The following TBC1D31 variants were observed in gnomAD, a reference collection of about 807,000 sequenced individuals.
The protein encoded by TBC1D31 is TBC1 domain family member 31, also known as WD repeat domain 67.
In TBC1D31, 99 loss-of-function variants were observed where a neutral mutation model predicts 132.9. That is an observed-to-expected ratio of 0.74 (90% CI 0.63 to 0.88). The LOEUF is 0.88. Ranked by LOEUF, TBC1D31 falls within the 40% of genes least tolerant of loss-of-function variation. TBC1D31 has a pLI of 0.00. For synonymous variants in TBC1D31, 385 were observed against 419.4 expected (o/e 0.92, Z 1.00); for missense variants, 1,134 against 1,256.6 (o/e 0.90, Z 1.48).
chr8:123,151,885 A>G lies in TBC1D31; in HGVS notation c.3147A>G (p.Arg1049=), dbSNP rs116864883. The G allele has an allele frequency of 1.0e-4, 165 of 1,592,172 alleles. No homozygotes were observed. Among genetic ancestry groups the G allele is most frequent in the Non-Finnish European group, 1.1e-4 (127 of 1,172,238 alleles). Residue 1049 remains arginine, a synonymous_variant, in exon 22 of 22, where the codon AGA becomes AGG. Coordinates refer to ENST00000287380, the MANE Select transcript of TBC1D31 (RefSeq NM_145647.4). Reference sequence around the variant, plus strand: ...AGAAAGTGAGAAATCTTCGCCAGAGACTCACTGCCCGGGCTCGTCACAGAT... The same window carrying G: ...AGAAAGTGAGAAATCTTCGCCAGAGGCTCACTGCCCGGGCTCGTCACAGAT... ...LIKKVRNLRQ[R]LTARARHRCQ... is the part of the protein sequence containing the mutation.
At chr8:123,113,675 T>C (rs1380124569) in intron 10 of TBC1D31, among the ~76,000 whole-genome samples, 4 of 152,230 alleles carry the variant, frequency 2.6e-5, no homozygotes, top group African/African-American at 9.6e-5. Flanking sequence ...ACAATTAAAG[T>C]TACCATTGTA....
intron 20 of TBC1D31, among the ~76,000 whole-genome samples, chr8:123,146,085 G>T (rs920785239): frequency 1.3e-5 from 2 of 152,024 alleles, no homozygotes. Flanking sequence ...GGCCATGCTG[G>T]TCTCGAACTC....
the TBC1D31 span, among the ~76,000 whole-genome samples, chr8:123,162,823 G>A: frequency 6.6e-6 from 1 of 151,778 alleles, no homozygotes; most frequent in Admixed American, 6.6e-5. Flanking sequence ...CAGCAAGCAT[G>A]TGTTTTCCTT....
intron 17 of TBC1D31, among the ~76,000 whole-genome samples, chr8:123,135,988 T>C (rs1049849826): frequency 6.6e-6 from 1 of 152,228 alleles, no homozygotes; most frequent in African/African-American, 2.4e-5. Context: ...TTTCTCTTCC[T>C]CTTTTTCTTT....
chr8:123,120,140 T>A lies in TBC1D31; in HGVS notation c.1522T>A (p.Phe508Ile), dbSNP rs1433823606. ...PLLAFPFVKL[F>I]QNNQLICFEV... Reference sequence around the variant, plus strand: ...CTTGGCATTTCCATTTGTAAAATTATTCCAGAACAACCAACTCATCTGTTT... The same window carrying A: ...CTTGGCATTTCCATTTGTAAAATTAATCCAGAACAACCAACTCATCTGTTT... Residue 508 changes from phenylalanine to isoleucine, a missense_variant, in exon 11 of 22, where the codon TTC becomes ATC. Transcript: ENST00000287380. The A allele has an allele frequency of 9.3e-6, 15 of 1,610,834 alleles. No individual in the cohort carries two copies. Among genetic ancestry groups the A allele is most frequent in the African/African-American group, 1.3e-5 (1 of 74,886 alleles).
chr8:123,117,936 A>T (rs1335183409), intron 10 of TBC1D31, among the ~76,000 whole-genome samples: 2 of 152,186 alleles, frequency 1.3e-5, no homozygotes, highest in African/African-American at 2.4e-5. Flanking sequence ...TCAAAAATTA[A>T]ATAAATAAAA....
the TBC1D31 span, among the ~76,000 whole-genome samples, chr8:123,159,180 T>C: frequency 6.6e-6 from 1 of 151,422 alleles, no homozygotes; most frequent in Non-Finnish European, 1.5e-5. Flanking sequence ...AGCCCCACTT[T>C]CGGGTGTAGC....
chr8:123,158,279 AAG>A, the TBC1D31 span, among the ~76,000 whole-genome samples: 1 of 152,210 alleles, frequency 6.6e-6, no homozygotes, highest in Non-Finnish European at 1.5e-5. Flanking sequence ...AATAAAAAAA[AAG>A]ACTCTTCCAC....
chr8:123,104,072 G>A (rs1424822228), intron 7 of TBC1D31: 1 of 152,116 alleles, frequency 6.6e-6, no homozygotes, highest in South Asian at 2.1e-4. Flanking sequence ...CACTACAAAG[G>A]TATGTCAAGT....
intron 4 of TBC1D31, among the ~76,000 whole-genome samples, chr8:123,086,762 C>G (rs917452026): frequency 6.6e-6 from 1 of 151,544 alleles, no homozygotes; most frequent in African/African-American, 2.4e-5. Context: ...CTCTGGCATC[C>G]AGGCTGGAGT....
At chr8:123,082,856 A>ATT (rs1815312532) in intron 3 of TBC1D31, 39 bp downstream of exon 3, 6 of 1,410,798 alleles carry the variant, frequency 4.3e-6, no homozygotes, top group Non-Finnish European at 6.0e-6. Flanking sequence ...AGCAGAGTAA[A>ATT]ATATAAACTG....
At chr8:123,102,715 T>C (rs1162404161) in intron 7 of TBC1D31, 1 of 156,638 alleles carries the variant, frequency 6.4e-6, no homozygotes, top group Non-Finnish European at 1.4e-5. Flanking sequence ...GATACCCTTT[T>C]TCCCAGCTGA....
intron 4 of TBC1D31, among the ~76,000 whole-genome samples, chr8:123,086,320 C>G (rs1030088747): frequency 6.6e-6 from 1 of 152,150 alleles, no homozygotes; most frequent in Non-Finnish European, 1.5e-5. Flanking sequence ...TAAGAACTTT[C>G]CATACATTAT....
chr8:123,090,737 A>G (rs1032381389), intron 4 of TBC1D31, among the ~76,000 whole-genome samples: 1 of 152,050 alleles, frequency 6.6e-6, no homozygotes, highest in Non-Finnish European at 1.5e-5. Flanking sequence ...GTTCTAGACC[A>G]GCCTGGCCAA....
In TBC1D31 at chr8:123,102,354, C is replaced by CCGTGGCATTTG; in HGVS notation, c.1032+1348_1032+1349insGTGGCATTTGC. The CCGTGGCATTTG allele has an allele frequency of 2.8e-5, 11 of 393,536 alleles. 1 individual carries two copies. The highest frequency in any genetic ancestry group is 9.6e-5 in the African/African-American group (4 of 41,780). The allele number at this position is 393,536 out of a possible 1,614,324, so 24.4% of individuals were successfully genotyped here. On this transcript the variant is annotated intron_variant, in intron 7 of 21. Transcript: ENST00000287380. ...TTGGGTGCATTTGGAGTGGCGTTTG[C>CCGTGGCATTTG]CACCTTTTTTTATTCTAAAAAAAAG...
intron 10 of TBC1D31, among the ~76,000 whole-genome samples, chr8:123,112,432 C>T (rs1299639503): frequency 1.3e-5 from 2 of 152,198 alleles, no homozygotes; most frequent in Non-Finnish European, 1.5e-5. Context: ...TAGCAAATAT[C>T]TTATTTGTAT....
chr8:123,160,351 A>C, the TBC1D31 span, among the ~76,000 whole-genome samples: 2 of 152,092 alleles, frequency 1.3e-5, no homozygotes, highest in African/African-American at 4.8e-5. Context: ...TTAATCTATA[A>C]GCTATTTAAA....
intron 13 of TBC1D31, 175 bp from the exon 14 acceptor site, chr8:123,128,106 T>C (rs1296143225): frequency 4.7e-6 from 2 of 429,672 alleles, no homozygotes; most frequent in East Asian, 7.1e-5. Context: ...AACTCTTACA[T>C]TTTTTAAATA....
intron 20 of TBC1D31, among the ~76,000 whole-genome samples, chr8:123,148,137 A>G (rs1822415145): frequency 6.6e-6 from 1 of 152,058 alleles, no homozygotes; most frequent in African/African-American, 2.4e-5. Context: ...AAAAAAAAAA[A>G]AAAATACAAA....
Sources: gnomAD v4.1 joint callset for allele counts (sites outside exome capture counted in the v4.1 genomes callset) on GRCh38, gnomAD v4.1.1 for gene constraint, MANE v1.5 for transcripts, NCBI Gene and HGNC (gene_info 2026-07-23, HGNC 2026-07-21) for gene names.